GRIN2A: variants seen among roughly 807,000 people sequenced by gnomAD.
GRIN2A encodes the protein glutamate ionotropic receptor NMDA type subunit 2A.
GRIN2A carries 22 observed loss-of-function variants against 113.4 expected under a neutral mutation model. That is an observed-to-expected ratio of 0.19 (90% CI 0.14 to 0.28). GRIN2A has a LOEUF of 0.28. GRIN2A is among the 10% of genes least tolerant of loss of function. The pLI is 1.00. For missense variants in GRIN2A, 1,502 were observed against 1,887.0 expected, an observed-to-expected ratio of 0.80 and a Z score of 3.78; for synonymous variants, 827 against 738.4, an observed-to-expected ratio of 1.12 and a Z score of -1.94.
At chr16:9,888,707 T>C (rs961766724) in intron 4 of GRIN2A, among the ~76,000 whole-genome samples, 1 of 151,906 alleles carries the variant, frequency 6.6e-6, no homozygotes, top group Non-Finnish European at 1.5e-5. Flanking sequence ...AAATAAAGCA[T>C]CTCATGATAT....
chr16:10,014,895 A>T (rs2046573403), intron 2 of GRIN2A, among the ~76,000 whole-genome samples: 1 of 152,162 alleles, frequency 6.6e-6, no homozygotes, highest in Non-Finnish European at 1.5e-5. Context: ...AAAATTTAGC[A>T]TCTACAGGAG....
intron 2 of GRIN2A, among the ~76,000 whole-genome samples, chr16:10,013,605 T>C (rs958479685): frequency 2.6e-5 from 4 of 152,176 alleles, no homozygotes; most frequent in Admixed American, 6.5e-5. Context: ...CCTGGAATCA[T>C]AGCTCTTCTC....
At chr16:10,120,051 C>T (rs1596526889) in intron 2 of GRIN2A, among the ~76,000 whole-genome samples, 1 of 152,156 alleles carries the variant, frequency 6.6e-6, no homozygotes, top group East Asian at 1.9e-4. Flanking sequence ...CATATGTATG[C>T]ATATATCTTT....
chr16:9,900,290 G>T (rs2043895252), intron 3 of GRIN2A, among the ~76,000 whole-genome samples: 1 of 152,176 alleles, frequency 6.6e-6, no homozygotes, highest in Non-Finnish European at 1.5e-5. Flanking sequence ...TCATTTGATT[G>T]TTCAGAGCTC....
chr16:9,864,929 G>A (rs2043137132), intron 4 of GRIN2A, among the ~76,000 whole-genome samples: 3 of 152,160 alleles, frequency 2.0e-5, no homozygotes, highest in African/African-American at 7.2e-5. Context: ...TAGTTATTAT[G>A]AGGATGCTAA....
intron 3 of GRIN2A, among the ~76,000 whole-genome samples, chr16:9,895,924 A>G (rs2043796309): frequency 6.6e-6 from 1 of 152,190 alleles, no homozygotes; most frequent in Admixed American, 6.5e-5. Flanking sequence ...AGAAATTTGG[A>G]AATATCCAGT....
In GRIN2A at chr16:9,938,366, C is replaced by T. The variant is rs762233114; in HGVS notation, c.600G>A (p.Met200Ile). The T allele has an allele frequency of 1.2e-6, 2 of 1,614,122 alleles. No individual in the cohort carries two copies. The highest frequency in any genetic ancestry group is 3.3e-5 in the Admixed American group (2 of 60,028). The change falls in exon 3 of 13, where the codon ATG becomes ATA. Residue 200 changes from methionine to isoleucine, a missense_variant. Met to Ile is a conservative substitution (Grantham distance 10). Coordinates refer to ENST00000330684, the MANE Select transcript of GRIN2A (RefSeq NM_001134407.3). ...AAGTGTCCAGTGTGATCACATTCTG[C>T]ATGTCCCAGCCCACAAAGCTGTTGT... Reference protein sequence around the residue: ...TVDNSFVGWDMQNVITLDTSF... With the variant: ...TVDNSFVGWDIQNVITLDTSF...
chr16:9,781,762 A>G (rs1901950587), intron 11 of GRIN2A, among the ~76,000 whole-genome samples: 1 of 152,234 alleles, frequency 6.6e-6, no homozygotes, highest in African/African-American at 2.4e-5. Context: ...GTTTGTTGCA[A>G]ATAGTTCAAA....
At position 9,941,680 on chromosome 16, in the gene GRIN2A, A is replaced by G. The variant is rs72772132; in HGVS notation, c.415-3129T>C. Among the ~76,000 whole-genome samples, 696 of 152,306 alleles carry G rather than the reference A, an allele frequency of 4.6e-3. 3 individuals are homozygous for G. Among genetic ancestry groups the G allele is most frequent in the Middle Eastern group, 0.045 (13 of 292 alleles). ...ATGTGGCCTTGGATGGGGGGGAAAA[A>G]AAACACTCAGCCTTTCTAAGTCTCA... On this transcript the variant is annotated intron_variant, in intron 2 of 12. Transcript: ENST00000330684.
At chr16:10,000,347 C>G (rs535925158) in intron 2 of GRIN2A, among the ~76,000 whole-genome samples, 71 of 151,330 alleles carry the variant, frequency 4.7e-4, no homozygotes, top group African/African-American at 1.7e-3. Flanking sequence ...CCTACTATTA[C>G]AGAGAAAGAA....
At chr16:10,112,673 C>A (rs563308293) in intron 2 of GRIN2A, 1 of 758,486 alleles carries the variant, frequency 1.3e-6, no homozygotes. Context: ...GATACTTCAG[C>A]GAGGGGGAAA....
chr16:10,105,586 A>G (rs749415311), intron 2 of GRIN2A, among the ~76,000 whole-genome samples: 3 of 152,182 alleles, frequency 2.0e-5, no homozygotes, highest in Non-Finnish European at 2.9e-5. Context: ...CTTAGTTTTA[A>G]TAACATAAGA....
intron 2 of GRIN2A, among the ~76,000 whole-genome samples, chr16:9,963,968 A>G (rs978045754): frequency 1.3e-5 from 2 of 152,222 alleles, no homozygotes; most frequent in African/African-American, 4.8e-5. Flanking sequence ...GGACAGACAG[A>G]CACAAAGTCA....
rs534516422 is a variant in GRIN2A at position 10,105,632 on chromosome 16, T to C, written c.414+74366A>G. Among the ~76,000 whole-genome samples the C allele has an allele frequency of 1.4e-4, 21 of 152,302 alleles. No individual in the cohort carries two copies. The South Asian group carries it at 4.4e-3, about 32-fold the overall frequency. On this transcript the variant is annotated intron_variant, in intron 2 of 12. Coordinates refer to ENST00000330684, the MANE Select transcript of GRIN2A (RefSeq NM_001134407.3). ...AAATTCTAAATAAGGCTGGGCATGG[T>C]GGTTCATGCTTGTAATTCCAGCGCT... is the stretch of plus-strand genomic sequence containing the variant.
chr16:10,112,470 G>A (rs1022963521), intron 2 of GRIN2A: 2 of 863,152 alleles, frequency 2.3e-6, no homozygotes, highest in African/African-American at 1.6e-5. Context: ...CATAGCCGAT[G>A]TGGCATCCAG....
intron 2 of GRIN2A, among the ~76,000 whole-genome samples, chr16:10,052,612 G>A (rs1249833045): frequency 6.6e-6 from 1 of 152,152 alleles, no homozygotes; most frequent in Non-Finnish European, 1.5e-5. Context: ...CTGGCTGGCG[G>A]TAAAGACCTC....
intron 9 of GRIN2A, among the ~76,000 whole-genome samples, chr16:9,824,644 C>A (rs1160058767): frequency 6.6e-6 from 1 of 152,152 alleles, no homozygotes; most frequent in Non-Finnish European, 1.5e-5. Flanking sequence ...GCTCCAGGAA[C>A]CTTTTCCACT....
intron 2 of GRIN2A, among the ~76,000 whole-genome samples, chr16:10,057,360 A>G (rs2047474253): frequency 6.6e-6 from 1 of 152,216 alleles, no homozygotes; most frequent in African/African-American, 2.4e-5. Flanking sequence ...ACTTGTAACT[A>G]TGTTGGTGGC....
intron 4 of GRIN2A, among the ~76,000 whole-genome samples, chr16:9,861,983 G>T (rs2043076979): frequency 1.3e-5 from 2 of 152,204 alleles, no homozygotes; most frequent in South Asian, 4.1e-4. Context: ...GATTAAGAAT[G>T]CAGACTCCTG....
Sources: gnomAD v4.1 joint callset for allele counts (sites outside exome capture counted in the v4.1 genomes callset) on GRCh38, gnomAD v4.1.1 for gene constraint, MANE v1.5 for transcripts, NCBI Gene and HGNC (gene_info 2026-07-23, HGNC 2026-07-21) for gene names.